NKAIN2: variants seen among roughly 807,000 people sequenced by gnomAD.
NKAIN2 encodes the protein sodium/potassium-transporting ATPase subunit beta-1-interacting protein 2.
Under a neutral mutation model 32.6 loss-of-function variants are expected in NKAIN2, and 14 were observed. The ratio of observed to expected loss-of-function variants is 0.43; its 90% CI spans 0.28 to 0.67. The LOEUF is 0.67. Among genes scored for constraint, NKAIN2 ranks in the 30% least tolerant of loss-of-function variants. NKAIN2 has a pLI of 0.17. For missense variants in NKAIN2, 198 were observed against 258.3 expected, an observed-to-expected ratio of 0.77 and a Z score of 1.60; for synonymous variants, 80 against 87.2, an observed-to-expected ratio of 0.92 and a Z score of 0.46.
intron 3 of NKAIN2, among the ~76,000 whole-genome samples, chr6:124,362,898 A>C (rs1799351805): frequency 6.6e-6 from 1 of 152,056 alleles, no homozygotes; most frequent in Non-Finnish European, 1.5e-5. Flanking sequence ...ACATTGGTGC[A>C]CTCTCAGCTC....
intron 6 of NKAIN2, among the ~76,000 whole-genome samples, chr6:124,818,700 T>C (rs1203471380): frequency 1.3e-5 from 2 of 152,130 alleles, no homozygotes; most frequent in Non-Finnish European, 2.9e-5. Context: ...TACATAAGTA[T>C]CACCTACATG....
intron 1 of NKAIN2, among the ~76,000 whole-genome samples, chr6:124,208,128 A>G (rs1790988221): frequency 6.6e-6 from 1 of 151,912 alleles, no homozygotes; most frequent in African/African-American, 2.4e-5. Context: ...GTAGGCTACA[A>G]TAGACTTGAT....
chr6:124,596,658 C>G (rs1219589173), intron 3 of NKAIN2, among the ~76,000 whole-genome samples: 1 of 115,448 alleles, frequency 8.7e-6, no homozygotes, highest in African/African-American at 3.3e-5. Context: ...ACAAATAAAC[C>G]ATAGGGTGTG....
chr6:124,665,907 G>T (rs1772772840), intron 4 of NKAIN2, among the ~76,000 whole-genome samples: 1 of 152,148 alleles, frequency 6.6e-6, no homozygotes, highest in African/African-American at 2.4e-5. Context: ...TAAATCGTGA[G>T]TTGGTGTAGA....
intron 3 of NKAIN2, among the ~76,000 whole-genome samples, chr6:124,569,816 G>C (rs1302069544): frequency 6.6e-6 from 1 of 152,118 alleles, no homozygotes; most frequent in Non-Finnish European, 1.5e-5. Context: ...TTGCTGAAAA[G>C]ATAAATGAAA....
chr6:124,209,341 C>T (rs1219697639), intron 1 of NKAIN2, among the ~76,000 whole-genome samples: 3 of 151,666 alleles, frequency 2.0e-5, no homozygotes, highest in African/African-American at 4.8e-5. Flanking sequence ...ATTGTATATA[C>T]TTACCACATT....
chr6:124,775,116 A>G (rs953189098), intron 4 of NKAIN2, among the ~76,000 whole-genome samples: 4 of 152,198 alleles, frequency 2.6e-5, no homozygotes, highest in African/African-American at 9.7e-5. Context: ...TAATTCAAGC[A>G]TATTTTTTAC....
chr6:124,042,728 A>G (rs1781927437), intron 1 of NKAIN2, among the ~76,000 whole-genome samples: 1 of 152,146 alleles, frequency 6.6e-6, no homozygotes, highest in Non-Finnish European at 1.5e-5. Context: ...AATAAATAGT[A>G]TGCTCAATTT....
At chr6:124,154,948 T>C (rs1341855162) in intron 1 of NKAIN2, among the ~76,000 whole-genome samples, 2 of 152,104 alleles carry the variant, frequency 1.3e-5, no homozygotes, top group African/African-American at 4.8e-5. Context: ...ATCAGAGTTA[T>C]AAATTATCAA....
At chr6:124,625,248 T>G (rs73772191) in intron 3 of NKAIN2, among the ~76,000 whole-genome samples, 8,774 of 152,068 alleles carry the variant, frequency 0.058, 860 homozygotes, top group African/African-American at 0.2. Context: ...CTGGGACATA[T>G]TTTCTCTACA....
intron 4 of NKAIN2, among the ~76,000 whole-genome samples, chr6:124,688,400 A>G (rs978962366): frequency 6.6e-6 from 1 of 152,048 alleles, no homozygotes; most frequent in African/African-American, 2.4e-5. Context: ...CTGCCCCTCC[A>G]CATGCACAGC....
chr6:123,971,721 TCTG>T (rs1355427416), intron 1 of NKAIN2, among the ~76,000 whole-genome samples: 1 of 152,224 alleles, frequency 6.6e-6, no homozygotes, highest in Non-Finnish European at 1.5e-5. Context: ...TCAGCTGTCT[TCTG>T]CTCTTAGTTA....
intron 1 of NKAIN2, among the ~76,000 whole-genome samples, chr6:124,088,829 T>C (rs1024510695): frequency 2.0e-5 from 3 of 152,066 alleles, no homozygotes; most frequent in Non-Finnish European, 4.4e-5. Context: ...TGAACTCTCA[T>C]GTATTATACA....
chr6:124,396,082 C>G (rs747949181), intron 3 of NKAIN2, among the ~76,000 whole-genome samples: 7 of 151,972 alleles, frequency 4.6e-5, no homozygotes, highest in Non-Finnish European at 1.0e-4. Flanking sequence ...ATACATATCT[C>G]CAGGTGCCCT....
Position 124,355,697 on chromosome 6 carries a change from C to G in NKAIN2, c.273+350C>G, listed in dbSNP as rs373130073. On this transcript the variant is annotated intron_variant, in intron 3 of 6. Transcript: ENST00000368417. ...ATCACTTAGTTTGCTTATAACTCTG[C>G]TAAACATTGTCCTTATTGATTTTAA... Among the ~76,000 whole-genome samples the G allele has an allele frequency of 5.6e-4, 85 of 152,188 alleles. 1 individual carries two copies. In the East Asian group the frequency reaches 0.014, roughly 25 times the overall value.
At chr6:124,726,716 T>C (rs962944520) in intron 4 of NKAIN2, among the ~76,000 whole-genome samples, 5 of 145,204 alleles carry the variant, frequency 3.4e-5, no homozygotes, top group African/African-American at 1.3e-4. Flanking sequence ...AGAATGACTT[T>C]GATGAGCTGA....
At chr6:124,262,137 G>A (rs991023210) in intron 1 of NKAIN2, among the ~76,000 whole-genome samples, 3 of 152,114 alleles carry the variant, frequency 2.0e-5, no homozygotes, top group African/African-American at 4.8e-5. Flanking sequence ...GCATTAAACC[G>A]TTGAACTGGC....
intron 2 of NKAIN2, among the ~76,000 whole-genome samples, chr6:124,353,761 A>G (rs1030123974): frequency 6.6e-6 from 1 of 152,028 alleles, no homozygotes; most frequent in Admixed American, 6.5e-5. Context: ...TCTCAAAAAA[A>G]AAAGAGGCAC....
At chr6:124,194,683 G>A (rs1171672888) in intron 1 of NKAIN2, among the ~76,000 whole-genome samples, 1 of 151,940 alleles carries the variant, frequency 6.6e-6, no homozygotes, top group Non-Finnish European at 1.5e-5. Flanking sequence ...AGTACACGAT[G>A]CTATATTATG....
Sources: allele counts gnomAD v4.1 joint callset (sites outside exome capture counted in the v4.1 genomes callset), GRCh38; gene constraint gnomAD v4.1.1; transcripts MANE v1.5; gene names NCBI Gene and HGNC (gene_info 2026-07-23, HGNC 2026-07-21).